The following SUB1 variants were observed in gnomAD, a reference collection of about 807,000 sequenced individuals.
SUB1 encodes the protein activated RNA polymerase II transcriptional coactivator p15.
Under a neutral mutation model 16.9 loss-of-function variants are expected in SUB1, and 1 was observed. That is an observed-to-expected ratio of 0.06 (90% CI 0.02 to 0.28). SUB1 has a LOEUF of 0.28. Ranked by LOEUF, SUB1 falls within the 10% of genes least tolerant of loss-of-function variation. The pLI is 1.00. For synonymous variants in SUB1, 51 were observed against 46.9 expected (o/e 1.09, Z -0.36); for missense variants, 84 against 145.2 (o/e 0.58, Z 2.16).
At chr5:32,598,049 A>G (rs1299086603) in intron 3 of SUB1, 2 of 111,100 alleles carry the variant, frequency 1.8e-5, no homozygotes, top group East Asian at 4.7e-4. Context: ...ATATCAAGCA[A>G]TTCAACTTTT....
At chr5:32,597,457 C>T (rs1160473122) in intron 3 of SUB1, 2 of 152,050 alleles carry the variant, frequency 1.3e-5, no homozygotes, top group Non-Finnish European at 2.9e-5. Context: ...ATCAGTTCAT[C>T]TCTGGGTGGA....
At chr5:32,599,220 T>A (rs1739055841) in intron 4 of SUB1, 151 bp downstream of exon 4, 1 of 631,882 alleles carries the variant, frequency 1.6e-6, no homozygotes, top group Non-Finnish European at 2.7e-6. Context: ...TTGGACATGA[T>A]ACTTAACATT....
chr5:32,602,527 C>G lies in SUB1; in HGVS notation c.*1443C>G, dbSNP rs1739140830. The stretch of plus-strand genomic sequence containing the variant: ...TTAGAGTTTTGCACTATTTTGCTAC[C>G]AAGTTTGATTCATACATCTAAAACA... On this transcript the variant is annotated 3_prime_UTR_variant, in exon 5 of 5. Transcript: ENST00000265073. 5.8e-6 allele frequency: 1 copy of G among 171,434 alleles called. No homozygotes were observed. Among genetic ancestry groups the G allele is most frequent in the Admixed American group, 5.9e-5 (1 of 16,966 alleles). 10.6% of individuals were successfully genotyped at this position (171,434 alleles called of 1,614,324 possible). A position where few individuals can be genotyped will look rare whatever the true frequency, so the allele number is the denominator to read the frequency against.
intron 3 of SUB1, among the ~76,000 whole-genome samples, chr5:32,592,805 A>C (rs1738863467): frequency 6.6e-6 from 1 of 152,154 alleles, no homozygotes. Context: ...AAAGCTGCCT[A>C]CTGAAGTATT....
At chr5:32,587,771 G>T (rs1275414443) in intron 1 of SUB1, among the ~76,000 whole-genome samples, 1 of 152,040 alleles carries the variant, frequency 6.6e-6, no homozygotes, top group East Asian at 1.9e-4. Context: ...ACCGTGCCCT[G>T]TTAATTTTTG....
At chr5:32,600,217 CG>C (rs1180799757) in intron 4 of SUB1, among the ~76,000 whole-genome samples, 1 of 152,134 alleles carries the variant, frequency 6.6e-6, no homozygotes, top group Non-Finnish European at 1.5e-5. Context: ...TGCAGTTACC[CG>C]GGTATACTCT....
At chr5:32,592,228 G>A (rs920262052) in intron 3 of SUB1, among the ~76,000 whole-genome samples, 21 of 152,326 alleles carry the variant, frequency 1.4e-4, no homozygotes, top group Non-Finnish European at 2.8e-4. Context: ...ATTTAATTGA[G>A]AACTGCACAT....
intron 4 of SUB1, among the ~76,000 whole-genome samples, chr5:32,600,107 A>G (rs77160256): frequency 3.3e-4 from 51 of 152,348 alleles, no homozygotes; most frequent in Middle Eastern, 3.4e-3. Context: ...TTTACTGGTG[A>G]GGAAACTAAG....
rs1328440672 is a variant in SUB1 at position 32,601,836 on chromosome 5, A to G, written c.*752A>G. The G allele has an allele frequency of 6.2e-6, 1 of 160,222 alleles. No homozygotes were observed. The highest frequency in any genetic ancestry group is 1.4e-5 in the Non-Finnish European group (1 of 72,590). The allele number at this position is 160,222 out of a possible 1,614,324, so 9.9% of individuals were successfully genotyped here. On this transcript the variant is annotated 3_prime_UTR_variant, in exon 5 of 5. Transcript: ENST00000265073. ...AGTTATTGCTTAGTCTGCAGAAAATAATGACTTAGATGAGATGTCTGACTT... is the reference window on the plus strand; with the variant it reads ...AGTTATTGCTTAGTCTGCAGAAAATGATGACTTAGATGAGATGTCTGACTT...
Position 32,601,572 on chromosome 5 carries a change from C to G in SUB1, c.*488C>G, listed in dbSNP as rs988908861. ...CACTCTTTTTATTTACTTCATTTTC[C>G]TTTAATAACTTAATCTCTTCATGTT... On this transcript the variant is annotated 3_prime_UTR_variant, in exon 5 of 5. Transcript: ENST00000265073. 6.5e-6 allele frequency: 1 copy of G among 153,192 alleles called. No homozygotes were observed. The allele number at this position is 153,192 out of a possible 1,614,324, so 9.5% of individuals were successfully genotyped here. A position where few individuals can be genotyped will look rare whatever the true frequency, so the allele number is the denominator to read the frequency against.
intron 3 of SUB1, among the ~76,000 whole-genome samples, chr5:32,593,702 T>C (rs1224285828): frequency 2.0e-5 from 3 of 152,074 alleles, no homozygotes; most frequent in African/African-American, 4.8e-5. Context: ...CTTTTCTTTT[T>C]TTTTTTTTTG....
intron 3 of SUB1, chr5:32,595,285 C>T (rs1738931368): frequency 6.6e-6 from 1 of 152,088 alleles, no homozygotes; most frequent in Non-Finnish European, 1.5e-5. Flanking sequence ...AATGTACACG[C>T]CTTTGTGGCC....
At position 32,592,591 on chromosome 5, in the gene SUB1, A is replaced by C. The variant is rs115772086; in HGVS notation, c.195+906A>C. On this transcript the variant is annotated intron_variant, in intron 3 of 4. Coordinates refer to ENST00000265073, the MANE Select transcript of SUB1 (RefSeq NM_006713.4). ...GGCTTTAATCTGTATGTGAGGTGAT[A>C]AGGGCTTAGATGGTTTTTCCTAAAG... is the stretch of plus-strand genomic sequence containing the variant. Among the ~76,000 whole-genome samples, 1,172 of 152,276 alleles carry C rather than the reference A, an allele frequency of 7.7e-3. 14 individuals are homozygous for C. The highest frequency in any genetic ancestry group is 0.026 in the African/African-American group (1,100 of 41,572).
chr5:32,591,705 T>TA lies in SUB1; in HGVS notation c.195+20_195+21insA. ...TTTCAGGTAAAGTTGGCTATTTTTT[T>TA]TTTTTTTTTTTTTGACATGGAGTCA... On this transcript the variant is annotated intron_variant, in intron 3 of 4. Transcript: ENST00000265073. The TA allele has an allele frequency of 6.5e-7, 1 of 1,540,550 alleles. No individual in the cohort carries two copies. The highest frequency in any genetic ancestry group is 1.2e-5 in the South Asian group (1 of 80,262).
intron 1 of SUB1, among the ~76,000 whole-genome samples, chr5:32,586,908 C>T (rs1028998781): frequency 6.6e-6 from 1 of 152,174 alleles, no homozygotes; most frequent in Admixed American, 6.5e-5. Context: ...GGGTGGCCCA[C>T]TTCTTTTTCC....
chr5:32,599,153 GAC>G (rs1739053574), intron 4 of SUB1, 84 bp downstream of exon 4: 1 of 924,524 alleles, frequency 1.1e-6, no homozygotes, highest in Non-Finnish European at 1.7e-6. Flanking sequence ...ATGTTGGCAG[GAC>G]ACACGGGGCA....
Position 32,592,951 on chromosome 5 carries a change from A to G in SUB1, c.195+1266A>G, listed in dbSNP as rs572050998. Among the ~76,000 whole-genome samples, 9 of 152,328 alleles carry G rather than the reference A, an allele frequency of 5.9e-5. 1 individual carries two copies. The highest frequency in any genetic ancestry group is 2.2e-4 in the African/African-American group (9 of 41,570). On this transcript the variant is annotated intron_variant, in intron 3 of 4. Coordinates refer to ENST00000265073, the MANE Select transcript of SUB1 (RefSeq NM_006713.4). The stretch of plus-strand genomic sequence containing the variant: ...AAGAGTGCAGTAATGGGAGCAAGAA[A>G]AGGATGAGTGTTTCCAGGAGCTATA...
intron 3 of SUB1, chr5:32,595,547 TAAA>T (rs1738940868): frequency 1.3e-5 from 2 of 152,278 alleles, no homozygotes; most frequent in Non-Finnish European, 2.9e-5. Flanking sequence ...CTACAACTTG[TAAA>T]TCCATTCACC....
intron 2 of SUB1, 106 bp from the exon 3 acceptor site, chr5:32,591,457 G>T: frequency 7.2e-7 from 1 of 1,381,680 alleles, no homozygotes; most frequent in Non-Finnish European, 9.5e-7. Context: ...ATGATATTTT[G>T]GATGTAGTCT....
Sources: allele counts gnomAD v4.1 joint callset (sites outside exome capture counted in the v4.1 genomes callset), GRCh38; gene constraint gnomAD v4.1.1; transcripts MANE v1.5; gene names NCBI Gene and HGNC (gene_info 2026-07-23, HGNC 2026-07-21).